PUDP: variants seen among roughly 807,000 people sequenced by gnomAD.
PUDP encodes pseudouridine-5'-phosphatase.
Under a neutral mutation model 9.4 loss-of-function variants are expected in PUDP, and 8 were observed. That is an observed-to-expected ratio of 0.85 (90% CI 0.50 to 1.53). PUDP has a LOEUF of 1.53. Among genes scored for constraint, PUDP ranks in the 40% most tolerant of loss-of-function variants. The pLI is 0.00. For synonymous variants in PUDP, 99 were observed against 80.7 expected (o/e 1.23, Z -1.22); for missense variants, 188 against 189.7 (o/e 0.99, Z 0.05).
chrX:6,801,664 G>A (rs747380581), intron 3 of PUDP, among the ~76,000 whole-genome samples: 10 of 112,116 alleles, frequency 8.9e-5, no homozygotes, highest in South Asian at 7.5e-4. Flanking sequence ...GGCCACCAGC[G>A]TTCTGAATCT....
intron 1 of PUDP, among the ~76,000 whole-genome samples, chrX:7,118,066 T>C (rs1932244898): frequency 8.8e-6 from 1 of 113,222 alleles, no homozygotes; most frequent in African/African-American, 3.2e-5. Context: ...CAATACAATA[T>C]GTCCTAATAC....
At chrX:6,765,743 T>C (rs972242674) in intron 3 of PUDP, among the ~76,000 whole-genome samples, 1 of 111,728 alleles carries the variant, frequency 9.0e-6, no homozygotes, top group Non-Finnish European at 1.9e-5. Context: ...CAATGTGAGC[T>C]GTAATTAACA....
intron 1 of PUDP, among the ~76,000 whole-genome samples, chrX:6,990,933 G>T (rs375135173): frequency 4.4e-5 from 5 of 112,466 alleles, no homozygotes; most frequent in Admixed American, 1.9e-4. Flanking sequence ...ACTCCAGATG[G>T]AAAGTGCCTA....
At chrX:7,098,900 G>A (rs1439856474) in intron 2 of PUDP, among the ~76,000 whole-genome samples, 2 of 110,569 alleles carry the variant, frequency 1.8e-5, no homozygotes, top group African/African-American at 6.6e-5. Flanking sequence ...GAGATGCAGG[G>A]GAGAGCCGGC....
At chrX:7,008,287 C>G (rs1373022570) in intron 1 of PUDP, among the ~76,000 whole-genome samples, 5 of 111,389 alleles carry the variant, frequency 4.5e-5, no homozygotes, top group Non-Finnish European at 5.6e-5. Context: ...TTAATGCGCT[C>G]TCTTTTCCAT....
At chrX:7,120,914 T>C (rs1932324790) in intron 1 of PUDP, among the ~76,000 whole-genome samples, 2 of 112,068 alleles carry the variant, frequency 1.8e-5, no homozygotes, top group Admixed American at 9.5e-5. Flanking sequence ...TGTGGTTCTA[T>C]ATACAATTCT....
At chrX:6,800,446 C>T (rs890276143) in intron 3 of PUDP, among the ~76,000 whole-genome samples, 4 of 111,681 alleles carry the variant, frequency 3.6e-5, no homozygotes, top group African/African-American at 1.3e-4. Flanking sequence ...AGTTATTGCA[C>T]TTAAAAAGGG....
At chrX:6,899,461 T>C (rs775034625) in intron 3 of PUDP, among the ~76,000 whole-genome samples, 2 of 111,126 alleles carry the variant, frequency 1.8e-5, no homozygotes, top group Non-Finnish European at 3.8e-5. Context: ...TAATCCCAGC[T>C]ACTCGGGAGG....
At chrX:7,122,038 A>T (rs1287167404) in intron 1 of PUDP, among the ~76,000 whole-genome samples, 1 of 111,380 alleles carries the variant, frequency 9.0e-6, no homozygotes, top group Non-Finnish European at 1.9e-5. Flanking sequence ...ACATTTAAAA[A>T]TTAGCTGGGT....
chrX:6,863,843 T>C (rs1158058879), intron 3 of PUDP, among the ~76,000 whole-genome samples: 1 of 112,075 alleles, frequency 8.9e-6, no homozygotes, highest in Non-Finnish European at 1.9e-5. Context: ...TAACTCCTCT[T>C]GTTAAGGACT....
intron 3 of PUDP, among the ~76,000 whole-genome samples, chrX:6,833,293 TGGATGGGATGGAC>T (rs1347452516): frequency 3.6e-5 from 4 of 110,876 alleles, no homozygotes; most frequent in African/African-American, 6.5e-5. Context: ...ATGGGATGGA[TGGATGGGATGGAC>T]GGATGGACAA....
chrX:6,708,735 C>T (rs986629173), intron 1 of PUDP, among the ~76,000 whole-genome samples: 1 of 111,936 alleles, frequency 8.9e-6, no homozygotes, highest in African/African-American at 3.2e-5. Flanking sequence ...CAAGACAACC[C>T]TCTGAGGATG....
At chrX:7,037,229 G>A (rs1929865316) in intron 1 of PUDP, among the ~76,000 whole-genome samples, 1 of 111,662 alleles carries the variant, frequency 9.0e-6, no homozygotes, top group Non-Finnish European at 1.9e-5. Flanking sequence ...TGGCCTGTGG[G>A]TTATCTGGTC....
intron 3 of PUDP, among the ~76,000 whole-genome samples, chrX:6,751,442 C>T (rs895804850): frequency 1.7e-4 from 19 of 111,578 alleles, no homozygotes; most frequent in African/African-American, 6.2e-4. Flanking sequence ...TAAGTTCTCA[C>T]AATTGCCTCT....
rs761063494 is a variant in PUDP, at chrX:6,983,125, TAGACATAG to T, written c.205-4790_205-4783del. Reference sequence around the variant, plus strand: ...CAAGGGGTTCGCCTTGCCCGCTGCCTAGACATAGGCGATTTATCAAGACAGAGGAATTA... The same window carrying T: ...CAAGGGGTTCGCCTTGCCCGCTGCCTGCGATTTATCAAGACAGAGGAATTA... On this transcript the variant is annotated intron_variant and NMD_transcript_variant, in intron 1 of 3. Transcript: ENST00000655425. Among the ~76,000 whole-genome samples the T allele has an allele frequency of 2.5e-3, 279 of 112,288 alleles. 1 individual carries two copies. The highest frequency in any genetic ancestry group is 8.5e-3 in the African/African-American group (263 of 30,923).
rs1390021612 is a variant in PUDP, at chrX:6,802,933, T to TAATAA, written c.*248-96472_*248-96468dup. Among the ~76,000 whole-genome samples the TAATAA allele has an allele frequency of 4.3e-3, 14 of 3,221 alleles. 1 individual carries two copies. Among genetic ancestry groups the TAATAA allele is most frequent in the Non-Finnish European group, 6.7e-3 (13 of 1,929 alleles). 2.8% of individuals were successfully genotyped at this position (3,221 alleles called of 115,157 possible). ...TAACATAACATAACATAACATAAAA[T>TAATAA]AATAAAATAAAATAAAATAAAATAA... On this transcript the variant is annotated intron_variant and NMD_transcript_variant, in intron 3 of 3. Coordinates refer to the PUDP transcript ENST00000655425.
chrX:6,920,502 T>A (rs945490519), intron 3 of PUDP, among the ~76,000 whole-genome samples: 2 of 111,940 alleles, frequency 1.8e-5, no homozygotes, highest in African/African-American at 6.5e-5. Flanking sequence ...TAGGAACTGC[T>A]CAGGGCAAAT....
At chrX:6,968,554 T>G (rs1928822228) in intron 3 of PUDP, among the ~76,000 whole-genome samples, 1 of 111,293 alleles carries the variant, frequency 9.0e-6, no homozygotes, top group Non-Finnish European at 1.9e-5. Flanking sequence ...GTCACCATCA[T>G]CTCTTAAAGC....
At chrX:6,993,752 C>T (rs769911349) in intron 1 of PUDP, among the ~76,000 whole-genome samples, 1 of 112,045 alleles carries the variant, frequency 8.9e-6, no homozygotes, top group East Asian at 2.8e-4. Flanking sequence ...TATGTTGCTG[C>T]TTCCACTCCA....
Sources: allele counts gnomAD v4.1 joint callset (sites outside exome capture counted in the v4.1 genomes callset), GRCh38; gene constraint gnomAD v4.1.1; transcripts MANE v1.5; gene names NCBI Gene and HGNC (gene_info 2026-07-23, HGNC 2026-07-21).